ADGRB3: variants seen among roughly 807,000 people sequenced by gnomAD.
The protein encoded by ADGRB3 is brain-specific angiogenesis inhibitor 3.
Under a neutral mutation model 193.4 loss-of-function variants are expected in ADGRB3, and 37 were observed. The observed-to-expected ratio is 0.19, with a 90% CI of 0.15 to 0.25. The LOEUF (loss-of-function observed/expected upper bound fraction) is 0.25, where lower values mean the gene tolerates loss of function less well. Ranked by LOEUF, ADGRB3 falls within the 10% of genes least tolerant of loss-of-function variation. ADGRB3 has a pLI of 1.00. For synonymous variants in ADGRB3, 690 were observed against 644.2 expected (o/e 1.07, Z -1.08); for missense variants, 1,637 against 1,852.9 (o/e 0.88, Z 2.14).
chr6:69,037,633 G>A (rs534774913), intron 13 of ADGRB3, among the ~76,000 whole-genome samples: 1 of 152,074 alleles, frequency 6.6e-6, no homozygotes, highest in East Asian at 1.9e-4. Flanking sequence ...CTAAGTTAAT[G>A]TGGTGTTGTT....
At chr6:69,158,167 C>G (rs1774894516) in intron 17 of ADGRB3, among the ~76,000 whole-genome samples, 1 of 152,066 alleles carries the variant, frequency 6.6e-6, no homozygotes, top group East Asian at 1.9e-4. Context: ...TTCTATATTT[C>G]TCCCTACCAT....
At chr6:68,764,329 C>T (rs574291064) in intron 3 of ADGRB3, among the ~76,000 whole-genome samples, 3 of 152,086 alleles carry the variant, frequency 2.0e-5, no homozygotes, top group Non-Finnish European at 4.4e-5. Context: ...GGATACCAAA[C>T]TGACCATGAC....
intron 3 of ADGRB3, among the ~76,000 whole-genome samples, chr6:68,910,449 G>A (rs953944327): frequency 9.9e-5 from 15 of 151,976 alleles, no homozygotes; most frequent in African/African-American, 3.6e-4. Flanking sequence ...TGTTGCCATT[G>A]CTTTTGGTGT....
intron 20 of ADGRB3, among the ~76,000 whole-genome samples, chr6:69,291,577 T>C (rs1255335240): frequency 6.6e-6 from 1 of 152,194 alleles, no homozygotes; most frequent in African/African-American, 2.4e-5. Context: ...CATTTATTTT[T>C]AATATTCAGA....
chr6:69,310,443 T>C (rs556898736), intron 20 of ADGRB3, among the ~76,000 whole-genome samples: 1 of 151,742 alleles, frequency 6.6e-6, no homozygotes, highest in Non-Finnish European at 1.5e-5. Flanking sequence ...CAATCAACTT[T>C]ATGGTAGTCC....
chr6:69,372,973 C>G (rs1769737633), intron 30 of ADGRB3, among the ~76,000 whole-genome samples: 2 of 151,834 alleles, frequency 1.3e-5, no homozygotes, highest in South Asian at 4.2e-4. Context: ...TTAGTAAACG[C>G]CTTTTCACAG....
chr6:69,101,051 G>A (rs984363198), intron 17 of ADGRB3, among the ~76,000 whole-genome samples: 2 of 150,816 alleles, frequency 1.3e-5, no homozygotes, highest in Non-Finnish European at 3.0e-5. Flanking sequence ...GAAGCCATAG[G>A]GTAACGCATT....
rs538788752 is a variant in ADGRB3 at position 68,710,879 on chromosome 6, T to C, written c.757+71447T>C. The stretch of plus-strand genomic sequence containing the variant: ...ACAGTTTTAAATCTCCCTGTGTTCT[T>C]GACTCCCACGGAAGTTTTCTTTCTG... On this transcript the variant is annotated intron_variant, in intron 3 of 31. Transcript: ENST00000370598. 2.1e-4 allele frequency among the ~76,000 whole-genome samples: 32 copies of C among 152,262 alleles called. No individual in the cohort carries two copies. In the South Asian group the frequency reaches 4.3e-3, roughly 21 times the overall value.
intron 3 of ADGRB3, among the ~76,000 whole-genome samples, chr6:68,886,554 A>G (rs1765912919): frequency 6.6e-6 from 1 of 152,118 alleles, no homozygotes; most frequent in Non-Finnish European, 1.5e-5. Flanking sequence ...AATGAAGTAT[A>G]ATACATAACC....
chr6:69,332,512 C>T (rs1341371437), intron 23 of ADGRB3: 1 of 985,260 alleles, frequency 1.0e-6, no homozygotes, highest in Admixed American at 6.2e-5. Flanking sequence ...CTTTTGCTGC[C>T]AGGGCTCACC....
rs1253366725 is a variant in ADGRB3, at chr6:68,936,540, G to A, written c.890G>A (p.Trp297Ter). The part of the protein sequence containing the change: ...AQTGESGVEE[W>*]SQWSTCSVTC... The stretch of plus-strand genomic sequence containing the variant: ...GCAGGTGAATCTGGTGTGGAAGAGT[G>A]GTCCCAGTGGAGCACATGTTCGGTT... The change falls in exon 5 of 32, where the codon TGG becomes TAG. Residue 297 changes from tryptophan to a stop codon, truncating the protein, a stop_gained. Transcript: ENST00000370598. LOFTEE classifies it high-confidence loss of function. 6.2e-7 allele frequency: 1 copy of A among 1,613,996 alleles called. No homozygotes were observed. Among genetic ancestry groups the A allele is most frequent in the African/African-American group, 1.3e-5 (1 of 75,032 alleles).
intron 26 of ADGRB3, among the ~76,000 whole-genome samples, chr6:69,349,907 G>A (rs1325104551): frequency 6.6e-6 from 1 of 152,256 alleles, no homozygotes; most frequent in Non-Finnish European, 1.5e-5. Flanking sequence ...TTCCTGTGAG[G>A]TTTGTCTGAA....
chr6:69,284,789 A>T (rs1296129402), intron 20 of ADGRB3, among the ~76,000 whole-genome samples: 1 of 152,190 alleles, frequency 6.6e-6, no homozygotes, highest in Non-Finnish European at 1.5e-5. Flanking sequence ...TCTCCAGTTT[A>T]ATCCTCTTTA....
intron 11 of ADGRB3, among the ~76,000 whole-genome samples, chr6:69,010,713 G>C (rs1769905668): frequency 6.7e-6 from 1 of 149,008 alleles, no homozygotes; most frequent in South Asian, 2.1e-4. Flanking sequence ...AAACAGTTCA[G>C]ATTCTGCCAA....
At chr6:69,328,613 T>C (rs1449119021) in intron 22 of ADGRB3, among the ~76,000 whole-genome samples, 1 of 152,130 alleles carries the variant, frequency 6.6e-6, no homozygotes. Flanking sequence ...TGTTTAATTA[T>C]TTTGGGTTTG....
chr6:69,236,226 T>C (rs1237195934), intron 19 of ADGRB3, among the ~76,000 whole-genome samples: 1 of 151,984 alleles, frequency 6.6e-6, no homozygotes, highest in African/African-American at 2.4e-5. Context: ...ATTTAAATTG[T>C]CAAAGTTATG....
At chr6:69,112,333 T>C (rs1773389215) in intron 17 of ADGRB3, among the ~76,000 whole-genome samples, 1 of 152,206 alleles carries the variant, frequency 6.6e-6, no homozygotes, top group Non-Finnish European at 1.5e-5. Flanking sequence ...CTTTTAGGAA[T>C]TATGGTTTGA....
intron 20 of ADGRB3, among the ~76,000 whole-genome samples, chr6:69,251,093 G>A (rs949385592): frequency 1.3e-5 from 2 of 152,174 alleles, no homozygotes; most frequent in South Asian, 4.1e-4. Context: ...GTTTGTACCT[G>A]TTGCCCTGGT....
intron 4 of ADGRB3, 105 bp downstream of exon 4, chr6:68,930,774 A>T (rs1487101716): frequency 1.1e-6 from 1 of 915,850 alleles, no homozygotes. Context: ...TGGAGCTGAT[A>T]TTTTTTCGAG....
Sources: gnomAD v4.1 joint callset for allele counts (sites outside exome capture counted in the v4.1 genomes callset) on GRCh38, gnomAD v4.1.1 for gene constraint, MANE v1.5 for transcripts, NCBI Gene and HGNC (gene_info 2026-07-23, HGNC 2026-07-21) for gene names.